The following TESPA1 variants were observed in gnomAD, a reference collection of about 807,000 sequenced individuals.
TESPA1 encodes thymocyte expressed, positive selection associated 1, also known as protein TESPA1.
In TESPA1, 33 loss-of-function variants were observed where a neutral mutation model predicts 57.9. The observed-to-expected ratio is 0.57, with a 90% confidence interval of 0.43 to 0.76. The LOEUF is 0.76. Among genes scored for constraint, TESPA1 ranks in the 30% least tolerant of loss-of-function variants. The probability of loss-of-function intolerance (pLI) is 0.00; values close to 1 mark genes in which losing one functional copy is unlikely to be tolerated. For missense variants in TESPA1, 618 were observed against 632.9 expected, an observed-to-expected ratio of 0.98 and a Z score of 0.25; for synonymous variants, 227 against 228.9, an observed-to-expected ratio of 0.99 and a Z score of 0.07.
rs899205006 is a variant in TESPA1 at position 54,954,950 on chromosome 12, C to T, written c.*2-4560G>A. On this transcript the variant is annotated intron_variant, in intron 10 of 10. Coordinates refer to ENST00000449076, the MANE Select transcript of TESPA1 (RefSeq NM_001136030.3). ...ATTTCAATTCTTTTGGATAATTACCCAGAAATAGGATTGCTACATCATATG... is the reference window on the plus strand; with the variant it reads ...ATTTCAATTCTTTTGGATAATTACCTAGAAATAGGATTGCTACATCATATG... Among the ~76,000 whole-genome samples the T allele has an allele frequency of 1.2e-4, 18 of 152,136 alleles. 1 individual carries two copies. Among genetic ancestry groups the T allele is most frequent in the Admixed American group, 1.2e-3 (18 of 15,280 alleles).
At chr12:54,967,944 G>A (rs773966896) in intron 3 of TESPA1, 52 bp from the exon 4 acceptor site, 13 of 1,611,112 alleles carry the variant, frequency 8.1e-6, no homozygotes, top group Non-Finnish European at 1.0e-5. Flanking sequence ...ATTTTCCAAG[G>A]AGCTTTTTCA....
At chr12:54,980,600 A>C (rs756605924) in intron 1 of TESPA1, among the ~76,000 whole-genome samples, 2 of 152,186 alleles carry the variant, frequency 1.3e-5, no homozygotes, top group Non-Finnish European at 2.9e-5. Flanking sequence ...TTGAGGAAAG[A>C]GCTGGGATAG....
chr12:54,972,643 A>G (rs1028073553), intron 3 of TESPA1, among the ~76,000 whole-genome samples: 2 of 152,244 alleles, frequency 1.3e-5, no homozygotes, highest in Non-Finnish European at 2.9e-5. Context: ...CAAAACAAAC[A>G]CAAAATAAAT....
intron 10 of TESPA1, among the ~76,000 whole-genome samples, chr12:54,950,906 A>G (rs762292366): frequency 7.2e-5 from 11 of 152,328 alleles, no homozygotes; most frequent in Non-Finnish European, 1.0e-4. Context: ...CTTCCTCTCC[A>G]GATGACCAAT....
At chr12:54,974,209 CTG>C (rs1402436990) in intron 2 of TESPA1, among the ~76,000 whole-genome samples, 189 bp downstream of exon 2, 3 of 152,300 alleles carry the variant, frequency 2.0e-5, no homozygotes, top group South Asian at 2.1e-4. Context: ...AATCTTATGC[CTG>C]TCTCTTTCTC....
chr12:54,953,957 C>T (rs1309760902), intron 10 of TESPA1, among the ~76,000 whole-genome samples: 1 of 152,230 alleles, frequency 6.6e-6, no homozygotes, highest in Non-Finnish European at 1.5e-5. Context: ...TTTCACTAAA[C>T]TATGAGCTCA....
At chr12:54,966,321 T>A (rs1373207882) in intron 6 of TESPA1, 67 bp downstream of exon 6, 1 of 1,609,810 alleles carries the variant, frequency 6.2e-7, no homozygotes, top group Non-Finnish European at 8.5e-7. Flanking sequence ...TTTAATCTCT[T>A]TGACCTACCC....
In TESPA1 at chr12:54,963,834, G is replaced by T; in HGVS notation, c.563C>A (p.Thr188Asn). ...TSRIPARFFT[T>N]PSQAKGIDFQ... ...ATCAATGCCCTTGGCCTGAGAGGGGGTGGTGAAAAATCGGGCGGGTATCCG... is the reference window on the plus strand; with the variant it reads ...ATCAATGCCCTTGGCCTGAGAGGGGTTGGTGAAAAATCGGGCGGGTATCCG... The change falls in exon 8 of 11, where the codon ACC (threonine) becomes AAC (asparagine). Residue 188 changes from threonine to asparagine, a missense_variant. Physicochemically the swap from Thr to Asn is moderately conservative, Grantham distance 65. Around this residue, in one of 3 missense-constraint regions of TESPA1, gnomAD observed 409 missense variants for 420.1 expected, o/e 0.97. Coordinates refer to ENST00000449076, the MANE Select transcript of TESPA1 (RefSeq NM_001136030.3). 1 of 1,613,982 alleles carries T rather than the reference G, an allele frequency of 6.2e-7. No individual in the cohort carries two copies. Among genetic ancestry groups the T allele is most frequent in the Non-Finnish European group, 8.5e-7 (1 of 1,179,874 alleles).
intron 7 of TESPA1, among the ~76,000 whole-genome samples, chr12:54,965,107 T>C (rs1951340207): frequency 1.3e-5 from 2 of 152,262 alleles, no homozygotes; most frequent in South Asian, 4.1e-4. Context: ...GAGTTATTTG[T>C]GTGTATATTT....
intron 8 of TESPA1, among the ~76,000 whole-genome samples, chr12:54,963,448 G>A (rs1195339384): frequency 1.3e-5 from 2 of 151,988 alleles, no homozygotes; most frequent in Non-Finnish European, 2.9e-5. Context: ...TATTCCAACT[G>A]GGAAACAAAA....
intron 1 of TESPA1, among the ~76,000 whole-genome samples, chr12:54,983,819 T>C (rs1337170067): frequency 1.3e-5 from 2 of 152,158 alleles, no homozygotes; most frequent in Non-Finnish European, 2.9e-5. Context: ...GGTGATATGC[T>C]CTGCCTGCTA....
At chr12:54,973,387 A>G in intron 3 of TESPA1, 90 bp downstream of exon 3, 1 of 1,575,984 alleles carries the variant, frequency 6.3e-7, no homozygotes, top group East Asian at 2.2e-5. Context: ...AATCAAATCC[A>G]TCTTCCCGTC....
chr12:54,960,416 G>A (rs1950999622), intron 10 of TESPA1, among the ~76,000 whole-genome samples: 1 of 152,254 alleles, frequency 6.6e-6, no homozygotes, highest in African/African-American at 2.4e-5. Flanking sequence ...AGGAGGGGAG[G>A]GAGAGCTACC....
At chr12:54,964,985 T>C (rs527452335) in intron 7 of TESPA1, among the ~76,000 whole-genome samples, 19 of 152,356 alleles carry the variant, frequency 1.2e-4, no homozygotes, top group African/African-American at 4.6e-4. Context: ...AATTTGGTCA[T>C]GTGACAAAAT....
intron 1 of TESPA1, among the ~76,000 whole-genome samples, chr12:54,977,840 C>CATAAATAAT (rs1952188301): frequency 6.6e-6 from 1 of 152,114 alleles, no homozygotes; most frequent in African/African-American, 2.4e-5. Context: ...TGGGAAATTG[C>CATAAATAAT]ATAAATAATT....
chr12:54,963,697 T>A, intron 8 of TESPA1, 45 bp downstream of exon 8: 1 of 1,573,016 alleles, frequency 6.4e-7, no homozygotes, highest in Non-Finnish European at 8.6e-7. Context: ...TGTGAAAATC[T>A]AAAGGAAAAG....
rs914769808 is a variant in TESPA1 at position 54,962,367 on chromosome 12, A to G, written c.1467+64T>C. On this transcript the variant is annotated intron_variant, in intron 9 of 10. Coordinates refer to ENST00000449076, the MANE Select transcript of TESPA1 (RefSeq NM_001136030.3). Reference sequence around the variant, plus strand: ...TTTCCCCCAAGGGTTCTAACCCTTCATCTTCTGGGAAAGAATCTACAGCCT... The same window carrying G: ...TTTCCCCCAAGGGTTCTAACCCTTCGTCTTCTGGGAAAGAATCTACAGCCT... The G allele has an allele frequency of 3.2e-6, 5 of 1,548,332 alleles. No homozygotes were observed. In the African/African-American group the frequency reaches 5.5e-5, roughly 17 times the overall value.
chr12:54,978,537 C>T (rs1477617976), intron 1 of TESPA1, among the ~76,000 whole-genome samples: 1 of 152,122 alleles, frequency 6.6e-6, no homozygotes, highest in Non-Finnish European at 1.5e-5. Context: ...GAGTTACTTC[C>T]CATATACCAA....
At position 54,949,160 on chromosome 12, in the gene TESPA1, G is replaced by C. The variant is rs911618224; in HGVS notation, c.*1232C>G. ...GGAGAAAGTTCATTTTGTTCTTTTG[G>C]TATGGGGAATTAGTAAACACAGATG... On this transcript the variant is annotated 3_prime_UTR_variant, in exon 11 of 11. Coordinates refer to ENST00000449076, the MANE Select transcript of TESPA1 (RefSeq NM_001136030.3). The C allele has an allele frequency of 2.6e-5, 4 of 152,052 alleles. No homozygotes were observed. The highest frequency in any genetic ancestry group is 4.8e-5 in the African/African-American group (2 of 41,400). The allele number at this position is 152,052 out of a possible 1,614,324, so 9.4% of individuals were successfully genotyped here.
Sources: allele counts gnomAD v4.1 joint callset (sites outside exome capture counted in the v4.1 genomes callset), GRCh38; gene constraint gnomAD v4.1.1; regional missense constraint gnomAD v4.1.1; transcripts MANE v1.5; gene names NCBI Gene and HGNC (gene_info 2026-07-23, HGNC 2026-07-21).